CDS2: variants seen among roughly 807,000 people sequenced by gnomAD.
The protein encoded by CDS2 is phosphatidate cytidylyltransferase 2.
Under a neutral mutation model 59.0 loss-of-function variants are expected in CDS2, and 47 were observed. The ratio of observed to expected loss-of-function variants is 0.80; its 90% CI spans 0.63 to 1.02. The LOEUF (loss-of-function observed/expected upper bound fraction) is 1.02, where lower values mean the gene tolerates loss of function less well. CDS2 is among the 50% of genes least tolerant of loss of function. CDS2 has a pLI of 0.00. For missense variants in CDS2, 356 were observed against 558.9 expected, an observed-to-expected ratio of 0.64 and a Z score of 3.66; for synonymous variants, 207 against 206.4, an observed-to-expected ratio of 1.00 and a Z score of -0.02.
At chr20:5,131,092 T>TAA (rs1049352468) in intron 1 of CDS2, among the ~76,000 whole-genome samples, 25 of 105,062 alleles carry the variant, frequency 2.4e-4, no homozygotes, top group African/African-American at 3.2e-4. Context: ...GACTCTGTCT[T>TAA]AAAAAAAAAA....
At chr20:5,149,070 G>A (rs1032047929) in intron 1 of CDS2, among the ~76,000 whole-genome samples, 18 of 152,130 alleles carry the variant, frequency 1.2e-4, no homozygotes, top group Admixed American at 5.2e-4. Context: ...GAGTGCAGTG[G>A]CACGATCATG....
intron 12 of CDS2, 45 bp downstream of exon 12, chr20:5,189,883 A>G: frequency 6.7e-7 from 1 of 1,499,938 alleles, no homozygotes; most frequent in Admixed American, 1.7e-5. Context: ...ATTTTTAAGT[A>G]CGGTGCAATT....
chr20:5,155,465 TG>T (rs150932912), intron 1 of CDS2, among the ~76,000 whole-genome samples: 4,534 of 152,322 alleles, frequency 0.03, 96 homozygotes, highest in Non-Finnish European at 0.047. Flanking sequence ...GCCCTCTTAC[TG>T]TAAATATAAC....
intron 1 of CDS2, among the ~76,000 whole-genome samples, chr20:5,156,195 T>C (rs931842248): frequency 2.0e-5 from 3 of 152,022 alleles, no homozygotes; most frequent in Non-Finnish European, 4.4e-5. Context: ...GCTGTGAGAA[T>C]GGGAAAGACC....
intron 2 of CDS2, among the ~76,000 whole-genome samples, chr20:5,174,967 A>G (rs2090983800): frequency 6.6e-6 from 1 of 152,014 alleles, no homozygotes; most frequent in Non-Finnish European, 1.5e-5. Flanking sequence ...GATATAAGCT[A>G]GGTTTATTTT....
At chr20:5,173,346 C>T (rs1440053645) in intron 1 of CDS2, among the ~76,000 whole-genome samples, 177 bp from the exon 2 acceptor site, 2 of 152,226 alleles carry the variant, frequency 1.3e-5, no homozygotes, top group African/African-American at 4.8e-5. Flanking sequence ...CACCTTGGCA[C>T]ATGTCACAAC....
chr20:5,185,064 C>T (rs2091057476), intron 8 of CDS2, 119 bp downstream of exon 8: 3 of 729,970 alleles, frequency 4.1e-6, no homozygotes, highest in African/African-American at 1.8e-5. Context: ...GCCATGTCTT[C>T]ATGTCTTCCT....
At chr20:5,172,079 A>G (rs2090960171) in intron 1 of CDS2, among the ~76,000 whole-genome samples, 1 of 152,210 alleles carries the variant, frequency 6.6e-6, no homozygotes, top group South Asian at 2.1e-4. Context: ...CCCTGAGGGC[A>G]GGGGCTGGGT....
intron 1 of CDS2, among the ~76,000 whole-genome samples, chr20:5,170,070 G>T (rs11699315): frequency 0.058 from 8,797 of 152,206 alleles, 372 homozygotes; most frequent in South Asian, 0.13. Flanking sequence ...TTTCATCGGG[G>T]TCGCATTGGT....
At chr20:5,129,830 C>T (rs972676071) in intron 1 of CDS2, among the ~76,000 whole-genome samples, 1 of 151,838 alleles carries the variant, frequency 6.6e-6, no homozygotes, top group African/African-American at 2.4e-5. Context: ...CTGCCCGCCT[C>T]GGTCTCCCAA....
At chr20:5,156,935 G>C (rs1363295058) in intron 1 of CDS2, among the ~76,000 whole-genome samples, 1 of 152,198 alleles carries the variant, frequency 6.6e-6, no homozygotes, top group Non-Finnish European at 1.5e-5. Context: ...CCTGGTCACT[G>C]TGGTCAAGGG....
chr20:5,167,789 A>G (rs906928677), intron 1 of CDS2, among the ~76,000 whole-genome samples: 1 of 152,212 alleles, frequency 6.6e-6, no homozygotes, highest in African/African-American at 2.4e-5. Flanking sequence ...TTAGGCTTAG[A>G]CTAATGACTT....
chr20:5,151,490 G>A (rs2090788792), intron 1 of CDS2, among the ~76,000 whole-genome samples: 1 of 152,140 alleles, frequency 6.6e-6, no homozygotes, highest in Non-Finnish European at 1.5e-5. Flanking sequence ...AGTGGGCAAG[G>A]TGGTATGTAC....
At chr20:5,168,351 G>A (rs1171648852) in intron 1 of CDS2, among the ~76,000 whole-genome samples, 2 of 150,172 alleles carry the variant, frequency 1.3e-5, no homozygotes, top group South Asian at 2.1e-4. Flanking sequence ...GGAGGTGGAG[G>A]CTGCAGTGAG....
rs553719393 is a variant in CDS2, at chr20:5,186,030, A to C, written c.828+204A>C. Among the ~76,000 whole-genome samples the C allele has an allele frequency of 2.6e-4, 39 of 152,358 alleles. 1 individual carries two copies. The East Asian group carries it at 6.9e-3, about 27-fold the overall frequency. On this transcript the variant is annotated intron_variant, in intron 9 of 12. Coordinates refer to ENST00000460006, the MANE Select transcript of CDS2 (RefSeq NM_003818.4). ...TGCTAGCAGTTGGAGAGCACCTTCT[A>C]TGCCCTCTCGCGCCCAGGCATGGTG... is the stretch of plus-strand genomic sequence containing the variant.
chr20:5,173,792 C>T (rs761731268), intron 2 of CDS2, 133 bp downstream of exon 2: 15 of 1,014,292 alleles, frequency 1.5e-5, no homozygotes, highest in Admixed American at 3.9e-5. Flanking sequence ...CATGCCACTG[C>T]TCCAGGCTCC....
chr20:5,137,369 T>C (rs6107584), intron 1 of CDS2, among the ~76,000 whole-genome samples: 37,064 of 150,856 alleles, frequency 0.25, 5,482 homozygotes, highest in South Asian at 0.37. Context: ...TCAGCCTCCC[T>C]AGTAGCTGGG....
intron 1 of CDS2, among the ~76,000 whole-genome samples, chr20:5,145,742 T>C (rs532100040): frequency 2.0e-5 from 3 of 152,284 alleles, no homozygotes; most frequent in South Asian, 2.1e-4. Context: ...ATTCATTTCA[T>C]TGGGATATTG....
At chr20:5,143,833 TG>T (rs2090717130) in intron 1 of CDS2, among the ~76,000 whole-genome samples, 1 of 151,494 alleles carries the variant, frequency 6.6e-6, no homozygotes, top group Admixed American at 6.6e-5. Flanking sequence ...GGCATGATCT[TG>T]GCTTACTACA....
Sources: allele counts gnomAD v4.1 joint callset (sites outside exome capture counted in the v4.1 genomes callset), GRCh38; gene constraint gnomAD v4.1.1; transcripts MANE v1.5; gene names NCBI Gene and HGNC (gene_info 2026-07-23, HGNC 2026-07-21).